Variants in EXT1 observed in about 807,000 individuals in gnomAD.
EXT1 encodes the protein exostosin glycosyltransferase 1, also known as exostosin-1.
In EXT1, 20 loss-of-function variants were observed where a neutral mutation model predicts 82.5. The ratio of observed to expected loss-of-function variants is 0.24; its 90% CI spans 0.17 to 0.35. The LOEUF (loss-of-function observed/expected upper bound fraction) is 0.35, where lower values mean the gene tolerates loss of function less well. EXT1 is among the 10% of genes least tolerant of loss of function. The pLI, the probability that EXT1 is intolerant of heterozygous loss-of-function variation, is 1.00. For synonymous variants in EXT1, 348 were observed against 350.8 expected (o/e 0.99, Z 0.09); for missense variants, 757 against 936.5 (o/e 0.81, Z 2.50).
intron 1 of EXT1, among the ~76,000 whole-genome samples, chr8:117,873,199 C>T (rs1812904804): frequency 6.6e-6 from 1 of 152,086 alleles, no homozygotes; most frequent in Non-Finnish European, 1.5e-5. Flanking sequence ...CATGTTGGCA[C>T]CCTGGTCTCG....
rs139976870 is a variant in EXT1, at chr8:117,925,253, C to G, written c.963-88052G>C. Among the ~76,000 whole-genome samples the G allele has an allele frequency of 1.4e-4, 21 of 151,794 alleles. 2 individuals carry two copies. The highest frequency in any genetic ancestry group is 4.6e-4 in the African/African-American group (19 of 41,400). On this transcript the variant is annotated intron_variant, in intron 1 of 10. Transcript: ENST00000378204. The stretch of plus-strand genomic sequence containing the variant: ...CAGGAAAAGGCTCTAAGATCTGTGA[C>G]AACAGGAGCTGTGTCTCTCTTATTC...
intron 1 of EXT1, among the ~76,000 whole-genome samples, chr8:117,937,227 T>C (rs565705419): frequency 5.3e-5 from 8 of 152,360 alleles, no homozygotes; most frequent in Admixed American, 3.3e-4. Flanking sequence ...TTTAAGAGGA[T>C]TGCACGAGAT....
chr8:117,912,566 TG>T (rs1813671202), intron 1 of EXT1, among the ~76,000 whole-genome samples: 1 of 152,266 alleles, frequency 6.6e-6, no homozygotes, highest in East Asian at 1.9e-4. Flanking sequence ...CTTCCTAACT[TG>T]GGGGCCAGTG....
intron 1 of EXT1, among the ~76,000 whole-genome samples, chr8:117,960,197 C>T (rs147959234): frequency 3.3e-5 from 5 of 151,904 alleles, no homozygotes; most frequent in South Asian, 2.1e-4. Flanking sequence ...GGTGACAGAG[C>T]GAGACTCCAT....
intron 8 of EXT1, among the ~76,000 whole-genome samples, chr8:117,811,187 T>C (rs988850673): frequency 2.6e-5 from 4 of 152,306 alleles, no homozygotes; most frequent in Admixed American, 1.3e-4. Context: ...CAGATGGATA[T>C]AGCCTGGAAC....
intron 1 of EXT1, among the ~76,000 whole-genome samples, chr8:117,999,960 G>GTATA (rs10660296): frequency 0.016 from 2,445 of 150,800 alleles, 64 homozygotes; most frequent in African/African-American, 0.055. Flanking sequence ...GTATGTGCGT[G>GTATA]TATATATATA....
At position 117,812,948 on chromosome 8, in the gene EXT1, C is replaced by T. The variant is rs1317388728; in HGVS notation, c.1646G>A (p.Arg549His). 3.1e-6 allele frequency: 5 copies of T among 1,613,732 alleles called. No homozygotes were observed. Among genetic ancestry groups the T allele is most frequent in the Non-Finnish European group, 4.2e-6 (5 of 1,179,888 alleles). Reference protein sequence around the residue: ...IEGESKVMSSRFLPYDNIITD... With the variant: ...IEGESKVMSSHFLPYDNIITD... Reference sequence around the variant, plus strand: ...GATGATGTTGTCGTAGGGCAGAAAACGGCTGCTCATAACCTGGGAGGAAGT... The same window carrying T: ...GATGATGTTGTCGTAGGGCAGAAAATGGCTGCTCATAACCTGGGAGGAAGT... Residue 549 changes from arginine (R) to histidine (H), a missense_variant, in exon 8 of 11, where the codon CGT becomes CAT. This residue lies in a region of EXT1 where 207 missense variants were observed against 224.2 expected (regional missense o/e 0.92). Coordinates refer to ENST00000378204, the MANE Select transcript of EXT1 (RefSeq NM_000127.3).
chr8:118,062,785 T>C (rs920898939), intron 1 of EXT1, among the ~76,000 whole-genome samples: 3 of 152,188 alleles, frequency 2.0e-5, no homozygotes, highest in Non-Finnish European at 4.4e-5. Flanking sequence ...AGAGTTGTTC[T>C]ATATGTGGAC....
intron 1 of EXT1, among the ~76,000 whole-genome samples, chr8:118,026,024 A>T (rs1816195647): frequency 6.6e-6 from 1 of 152,174 alleles, no homozygotes; most frequent in African/African-American, 2.4e-5. Flanking sequence ...GGATGGGAAA[A>T]GAGTGTACTC....
At chr8:118,097,595 T>C (rs1817644216) in intron 1 of EXT1, among the ~76,000 whole-genome samples, 1 of 152,162 alleles carries the variant, frequency 6.6e-6, no homozygotes, top group South Asian at 2.1e-4. Context: ...CCCACTTCCA[T>C]ACGTTGCTTT....
chr8:117,812,684 C>T (rs1245797820), intron 8 of EXT1, among the ~76,000 whole-genome samples, 188 bp downstream of exon 8: 3 of 152,162 alleles, frequency 2.0e-5, no homozygotes, highest in African/African-American at 4.8e-5. Context: ...GGGAGATGCC[C>T]GCCTCAGAGT....
intron 1 of EXT1, among the ~76,000 whole-genome samples, chr8:118,045,119 G>C (rs558599239): frequency 1.1e-4 from 16 of 152,288 alleles, no homozygotes; most frequent in African/African-American, 3.8e-4. Flanking sequence ...TAAAACTCTA[G>C]AGTAGGAACA....
rs58862041 is a variant in EXT1 at position 118,037,836 on chromosome 8, G to GTTTTTTTTTT, written c.962+72239_962+72248dup. ...CTTTGTATCAACAAGAGTGTTTTTT[G>GTTTTTTTTTT]TTTTTTTTTTTTTTTTTTTTTGAGA... On this transcript the variant is annotated intron_variant, in intron 1 of 10. Coordinates refer to ENST00000378204, the MANE Select transcript of EXT1 (RefSeq NM_000127.3). 1.8e-3 allele frequency among the ~76,000 whole-genome samples: 197 copies of GTTTTTTTTTT among 107,354 alleles called. 2 individuals are homozygous for GTTTTTTTTTT. The highest frequency in any genetic ancestry group is 6.3e-3 in the African/African-American group (150 of 23,736). The allele number at this position is 107,354 out of a possible 152,430, so 70.4% of individuals were successfully genotyped here.
chr8:117,813,834 T>G (rs1350716860), intron 7 of EXT1, among the ~76,000 whole-genome samples: 1 of 151,916 alleles, frequency 6.6e-6, no homozygotes. Flanking sequence ...GGTGAAACCC[T>G]GACTCTACTA....
At chr8:117,827,839 G>A (rs999396434) in intron 4 of EXT1, among the ~76,000 whole-genome samples, 48 of 125,806 alleles carry the variant, frequency 3.8e-4, no homozygotes, top group African/African-American at 1.4e-3. Flanking sequence ...CATATTATTT[G>A]AAACGGACTT....
At chr8:118,010,555 G>T (rs1014836562) in intron 1 of EXT1, among the ~76,000 whole-genome samples, 16 of 152,072 alleles carry the variant, frequency 1.1e-4, no homozygotes, top group Non-Finnish European at 2.9e-5. Flanking sequence ...ACTTGAATGT[G>T]TTACGCTGAC....
intron 1 of EXT1, among the ~76,000 whole-genome samples, chr8:117,976,201 G>A (rs1374916046): frequency 6.6e-6 from 1 of 152,178 alleles, no homozygotes; most frequent in Non-Finnish European, 1.5e-5. Flanking sequence ...TTCTCAGTAT[G>A]TAAATCTATT....
At chr8:118,056,638 G>A (rs1268610065) in intron 1 of EXT1, among the ~76,000 whole-genome samples, 1 of 152,112 alleles carries the variant, frequency 6.6e-6, no homozygotes, top group East Asian at 1.9e-4. Context: ...AAGCCTGGGT[G>A]ACCATCCATG....
chr8:117,935,144 C>G (rs894414818), intron 1 of EXT1, among the ~76,000 whole-genome samples: 2 of 151,938 alleles, frequency 1.3e-5, no homozygotes, highest in African/African-American at 4.8e-5. Context: ...TAAGTGATAA[C>G]GGAGGTTAAA....
Sources: allele counts gnomAD v4.1 joint callset (sites outside exome capture counted in the v4.1 genomes callset), GRCh38; gene constraint gnomAD v4.1.1; regional missense constraint gnomAD v4.1.1; transcripts MANE v1.5; gene names NCBI Gene and HGNC (gene_info 2026-07-23, HGNC 2026-07-21).